APC2: variants seen among roughly 807,000 people sequenced by gnomAD.
The protein encoded by APC2 is adenomatous polyposis coli protein 2.
A neutral mutation model predicts 72.5 loss-of-function variants in APC2; 41 were observed. The ratio of observed to expected loss-of-function variants is 0.57; its 90% CI spans 0.44 to 0.73. The LOEUF is 0.73. Among genes scored for constraint, APC2 ranks in the 30% least tolerant of loss-of-function variants. The pLI is 0.00. For missense variants in APC2, 3,729 were observed against 3,403.4 expected (o/e 1.10, Z -2.38); for synonymous variants, 1,898 against 1,612.0 (o/e 1.18, Z -4.25).
chr19:1,458,389 G>C lies in APC2; in HGVS notation c.1303+329G>C, dbSNP rs553106015. 11 of 334,254 alleles carry C rather than the reference G, an allele frequency of 3.3e-5. No homozygotes were observed. In the Admixed American group the frequency reaches 4.5e-4, roughly 14 times the overall value. The allele number at this position is 334,254 out of a possible 1,614,324, so 20.7% of individuals were successfully genotyped here. ...GACAGGCCCAGAATTGGAACTGTAG[G>C]GGGTGTTTTACGTTTGAGGACATTG... On this transcript the variant is annotated intron_variant, in intron 10 of 14. Transcript: ENST00000590469.
At position 1,469,705 on chromosome 19, in the gene APC2, C is replaced by T; in HGVS notation, c.6404C>T (p.Pro2135Leu). 1 of 1,386,916 alleles carries T rather than the reference C, an allele frequency of 7.2e-7. No individual in the cohort carries two copies. The highest frequency in any genetic ancestry group is 9.3e-7 in the Non-Finnish European group (1 of 1,075,264). 85.9% of individuals were successfully genotyped at this position (1,386,916 alleles called of 1,614,324 possible). Residue 2135 changes from proline (P) to leucine (L), a missense_variant, in exon 15 of 15, where the codon CCG becomes CTG. Physicochemically the swap from Pro to Leu is moderately conservative, Grantham distance 98. Transcript: ENST00000590469. ...ARRSSDGEPR[P>L]LPRVAAPGTT... The stretch of plus-strand genomic sequence containing the variant: ...CGCAGCAGCGACGGGGAGCCCCGGC[C>T]GCTCCCCAGGGTGGCCGCGCCGGGC...
rs920073373 is a variant in APC2 at position 1,471,573 on chromosome 19, A to C, written c.*1360A>C. 2.0e-5 allele frequency: 3 copies of C among 152,212 alleles called. No homozygotes were observed. Among genetic ancestry groups the C allele is most frequent in the Non-Finnish European group, 4.4e-5 (3 of 68,046 alleles). The allele number at this position is 152,212 out of a possible 1,614,324, so 9.4% of individuals were successfully genotyped here. On this transcript the variant is annotated 3_prime_UTR_variant, in exon 15 of 15. Coordinates refer to ENST00000590469, the MANE Select transcript of APC2 (RefSeq NM_005883.3). ...TGACTGGGGCAACGCCTCGTCCTGC[A>C]GAGGGAGCCGACGACCTCTTTTCTG...
chr19:1,462,492 C>A (rs960906713), intron 14 of APC2, among the ~76,000 whole-genome samples: 1 of 150,550 alleles, frequency 6.6e-6, no homozygotes, highest in African/African-American at 2.5e-5. Context: ...CCTGTCCCTA[C>A]TAAAAATATA....
In APC2 at chr19:1,467,038, G is replaced by T; in HGVS notation, c.3737G>T (p.Cys1246Phe). 1 of 1,611,572 alleles carries T rather than the reference G, an allele frequency of 6.2e-7. No individual in the cohort carries two copies. Among genetic ancestry groups the T allele is most frequent in the Non-Finnish European group, 8.5e-7 (1 of 1,179,574 alleles). The stretch of plus-strand genomic sequence containing the variant: ...AAGCGCTTCCTGGACATCGCCGACT[G>T]CCGGGAGCGCTGCCGGCTGCCATCT... ...YVKRFLDIAD[C>F]RERCRLPSEL... Residue 1246 changes from cysteine to phenylalanine, a missense_variant, in exon 15 of 15, where the codon TGC (cysteine) becomes TTC (phenylalanine). By Grantham distance (205) the Cys-to-Phe change is radical. Transcript: ENST00000590469.
chr19:1,462,329 G>A, intron 14 of APC2, 152 bp downstream of exon 14: 3 of 732,774 alleles, frequency 4.1e-6, no homozygotes, highest in East Asian at 2.7e-5. Context: ...TACTGCGTGA[G>A]ATATACTAAA....
rs2084053407 is a variant in APC2, at chr19:1,467,997, C to T, written c.4696C>T (p.Pro1566Ser). The T allele has an allele frequency of 3.8e-6, 6 of 1,585,210 alleles. No homozygotes were observed. The highest frequency in any genetic ancestry group is 5.1e-6 in the Non-Finnish European group (6 of 1,174,632). Residue 1566 changes from proline (P) to serine (S), a missense_variant, in exon 15 of 15, where the codon CCC becomes TCC. Transcript: ENST00000590469. ...PAAPPPARTQ[P>S]SLIADETPPC... The stretch of plus-strand genomic sequence containing the variant: ...TGCCCCGCCGCCCGCCCGGACCCAG[C>T]CCAGCCTCATTGCTGACGAGACCCC...
rs2083725733 is a variant in APC2, at chr19:1,450,137, G to T, written c.-220G>T. 1.0e-6 allele frequency: 1 copy of T among 985,084 alleles called. No individual in the cohort carries two copies. The highest frequency in any genetic ancestry group is 1.7e-5 in the African/African-American group (1 of 57,180). 61.0% of individuals were successfully genotyped at this position (985,084 alleles called of 1,614,324 possible). On this transcript the variant is annotated 5_prime_UTR_variant, in exon 1 of 15. Coordinates refer to ENST00000590469, the MANE Select transcript of APC2 (RefSeq NM_005883.3). Reference sequence around the variant, plus strand: ...CCCCCGCTCGCGGTGGTCTCGCCCAGCGCTAGGAGCGGCAGCGCCGCCTGC... The same window carrying T: ...CCCCCGCTCGCGGTGGTCTCGCCCATCGCTAGGAGCGGCAGCGCCGCCTGC...
chr19:1,446,639 C>T (rs991935625), upstream of APC2, among the ~76,000 whole-genome samples: 1 of 152,062 alleles, frequency 6.6e-6, no homozygotes, highest in Non-Finnish European at 1.5e-5. The surrounding 1 kb of genome is among the most constrained non-coding windows in gnomAD (Gnocchi z 6.1). Context: ...CCCTCGGACC[C>T]CTCCTCACTG....
chr19:1,447,401 A>G (rs1235758308), upstream of APC2, among the ~76,000 whole-genome samples: 4 of 152,122 alleles, frequency 2.6e-5, no homozygotes, highest in African/African-American at 9.7e-5. Context: ...GAGGTGTCAC[A>G]GGACAGGGGT....
At position 1,465,512 on chromosome 19, in the gene APC2, G is replaced by A. The variant is rs1046930216; in HGVS notation, c.2211G>A (p.Gln737=). 3.9e-6 allele frequency: 6 copies of A among 1,525,884 alleles called. No individual in the cohort carries two copies. Among genetic ancestry groups the A allele is most frequent in the Non-Finnish European group, 5.3e-6 (6 of 1,139,162 alleles). 94.5% of individuals were successfully genotyped at this position (1,525,884 alleles called of 1,614,324 possible). A position where few individuals can be genotyped will look rare whatever the true frequency, so the allele number is the denominator to read the frequency against. Residue 737 remains glutamine, a synonymous_variant, in exon 15 of 15, where the codon CAG becomes CAA. Transcript: ENST00000590469. ...AGCTGGACGCACGGCACCTCGCGCA[G>A]GCGCTGGAGCACCTGGAGAAGCAGG... is the stretch of plus-strand genomic sequence containing the variant. The part of the protein sequence containing the change: ...EAELDARHLA[Q]ALEHLEKQGP...
At chr19:1,462,276 G>C (rs867198543) in intron 14 of APC2, 99 bp downstream of exon 14, 3 of 1,137,866 alleles carry the variant, frequency 2.6e-6, no homozygotes, top group Non-Finnish European at 3.7e-6. Context: ...TGCTCCCAAG[G>C]CTTCCCCAGG....
intron 11 of APC2, among the ~76,000 whole-genome samples, 162 bp downstream of exon 11, chr19:1,460,482 G>A (rs1763147795): frequency 6.6e-6 from 1 of 152,258 alleles, no homozygotes; most frequent in Admixed American, 6.5e-5. Context: ...GCGGTGTGGG[G>A]GGACGGGAGC....
At position 1,472,007 on chromosome 19, in the gene APC2, A is replaced by ACG. The variant is rs2084142639; in HGVS notation, c.*1794_*1795insCG. 6.6e-6 allele frequency: 1 copy of ACG among 152,370 alleles called. No homozygotes were observed. The highest frequency in any genetic ancestry group is 2.4e-5 in the African/African-American group (1 of 41,450). The allele number at this position is 152,370 out of a possible 1,614,324, so 9.4% of individuals were successfully genotyped here. On this transcript the variant is annotated 3_prime_UTR_variant, in exon 15 of 15. Transcript: ENST00000590469. ...ACCCAGCAGGTGCTGGAGGTGCCCA[A>ACG]TGCTCCCTCCTAGGACCTCGCAGCC...
rs773854738 is a variant in APC2, at chr19:1,467,886, C to T, written c.4585C>T (p.Arg1529Cys). 3.2e-5 allele frequency: 50 copies of T among 1,577,616 alleles called. No individual in the cohort carries two copies. The highest frequency in any genetic ancestry group is 4.0e-5 in the Non-Finnish European group (47 of 1,170,600). The stretch of plus-strand genomic sequence containing the variant: ...GGCCGCGCCCACGCCAACCCACCGG[C>T]GCACATCGGCCATCCCTCGCGCTTT... ...PAAAPTPTHRRTSAIPRAFTR... is the reference protein window; with the variant it reads ...PAAAPTPTHRCTSAIPRAFTR... The change falls in exon 15 of 15, where the codon CGC (arginine) becomes TGC (cysteine). Residue 1529 changes from arginine (R) to cysteine (C), a missense_variant. Transcript: ENST00000590469.
intron 9 of APC2, 50 bp downstream of exon 9, chr19:1,457,293 G>A (rs898583727): frequency 1.4e-6 from 2 of 1,469,164 alleles, no homozygotes; most frequent in Admixed American, 5.3e-5. Context: ...CGTGCAGCTA[G>A]GGCTTCCCGG....
At chr19:1,448,181 C>A (rs4807928), upstream of APC2, among the ~76,000 whole-genome samples, 1 of 151,834 alleles carries the variant, frequency 6.6e-6, no homozygotes, top group African/African-American at 2.4e-5. Context: ...CGCGCCCTAC[C>A]CCATGGCTCC....
chr19:1,461,671 T>A (rs1386496218), intron 13 of APC2: 1 of 414,144 alleles, frequency 2.4e-6, no homozygotes, highest in South Asian at 3.3e-5. Context: ...GCTAACACGG[T>A]GAAACCCCGT....
At chr19:1,460,440 C>T (rs1398948906) in intron 11 of APC2, 120 bp downstream of exon 11, 1 of 1,462,574 alleles carries the variant, frequency 6.8e-7, no homozygotes, top group Non-Finnish European at 9.3e-7. Flanking sequence ...TTGTCCCCAA[C>T]TTACAGACGG....
At chr19:1,449,947 G>T (rs1307495593), upstream of APC2, among the ~76,000 whole-genome samples, 1 of 152,084 alleles carries the variant, frequency 6.6e-6, no homozygotes, top group Non-Finnish European at 1.5e-5. Flanking sequence ...CCCTCGGGGG[G>T]GTTTCGCCCC....
Sources: allele counts gnomAD v4.1 joint callset (sites outside exome capture counted in the v4.1 genomes callset), GRCh38; gene constraint gnomAD v4.1.1; non-coding constraint Gnocchi (gnomAD v3.1); transcripts MANE v1.5; gene names NCBI Gene and HGNC (gene_info 2026-07-23, HGNC 2026-07-21).